PTPRD: variants seen among roughly 807,000 people sequenced by gnomAD.
PTPRD encodes receptor-type tyrosine-protein phosphatase delta.
A neutral mutation model predicts 214.5 loss-of-function variants in PTPRD; 34 were observed. That is an observed-to-expected ratio of 0.16 (90% CI 0.12 to 0.21). The LOEUF (loss-of-function observed/expected upper bound fraction) is 0.21. Ranked by LOEUF, PTPRD falls within the 10% of genes least tolerant of loss-of-function variation. PTPRD has a pLI of 1.00. For missense variants in PTPRD, 2,545 were observed against 2,398.7 expected (o/e 1.06, Z -1.27); for synonymous variants, 1,128 against 845.7 (o/e 1.33, Z -5.79).
intron 11 of PTPRD, among the ~76,000 whole-genome samples, chr9:8,737,297 T>C (rs1441291859): frequency 6.6e-6 from 1 of 152,196 alleles, no homozygotes; most frequent in Non-Finnish European, 1.5e-5. Flanking sequence ...AGATGAAACG[T>C]ATTCTAAATG....
At position 10,531,318 on chromosome 9, in the gene PTPRD, C is replaced by T. The variant is rs545203296; in HGVS notation, c.-600+81080G>A. Among the ~76,000 whole-genome samples the T allele has an allele frequency of 3.3e-5, 5 of 152,238 alleles. 1 individual carries two copies. In the South Asian group the frequency reaches 1.0e-3, roughly 32 times the overall value. On this transcript the variant is annotated intron_variant, in intron 2 of 45. Transcript: ENST00000381196. ...TAAAAGATCTACATCATATTACAGTCAGTTCTGCTATAACAGAATAAGTGT... is the reference window on the plus strand; with the variant it reads ...TAAAAGATCTACATCATATTACAGTTAGTTCTGCTATAACAGAATAAGTGT...
At chr9:10,354,776 C>T (rs546506411) in intron 2 of PTPRD, among the ~76,000 whole-genome samples, 117 of 152,136 alleles carry the variant, frequency 7.7e-4, no homozygotes, top group African/African-American at 2.8e-3. Flanking sequence ...TCATTTTTTA[C>T]TGTGGCATGG....
intron 3 of PTPRD, among the ~76,000 whole-genome samples, chr9:10,174,458 T>A (rs933465301): frequency 6.6e-6 from 1 of 152,132 alleles, no homozygotes; most frequent in South Asian, 2.1e-4. Flanking sequence ...GGGGCCCAAT[T>A]TTTAACTTTT....
intron 3 of PTPRD, among the ~76,000 whole-genome samples, chr9:10,105,049 T>G (rs2154219088): frequency 6.6e-6 from 1 of 152,004 alleles, no homozygotes; most frequent in Non-Finnish European, 1.5e-5. Context: ...TAATGCCTCC[T>G]TTGGGACATC....
At chr9:10,292,512 C>T (rs2095555804) in intron 3 of PTPRD, among the ~76,000 whole-genome samples, 1 of 151,926 alleles carries the variant, frequency 6.6e-6, no homozygotes, top group African/African-American at 2.4e-5. Context: ...GCCTAGATAT[C>T]AGAGTGAAGA....
chr9:10,132,448 G>A (rs775992282), intron 3 of PTPRD, among the ~76,000 whole-genome samples: 4 of 151,786 alleles, frequency 2.6e-5, no homozygotes, highest in Admixed American at 6.6e-5. Context: ...TGAGGACTAC[G>A]TTAAACATGG....
chr9:9,118,504 T>C (rs1226372387), intron 10 of PTPRD, among the ~76,000 whole-genome samples: 1 of 152,228 alleles, frequency 6.6e-6, no homozygotes, highest in African/African-American at 2.4e-5. Context: ...AGGTCTGTTT[T>C]TATTCTTTAT....
At chr9:10,522,201 C>T (rs1757146946) in intron 2 of PTPRD, among the ~76,000 whole-genome samples, 1 of 152,096 alleles carries the variant, frequency 6.6e-6, no homozygotes, top group Admixed American at 6.6e-5. Context: ...AGGAATTGTG[C>T]CTTTAACACT....
rs547714418 is a variant in PTPRD, at chr9:9,806,991, A to C, written c.-367-40140T>G. On this transcript the variant is annotated intron_variant, in intron 5 of 45. Transcript: ENST00000381196. ...GGGGAAAAGAAATGCAAACCTCAGA[A>C]CAAAGACAATATGTAAAAACCCCAA... Among the ~76,000 whole-genome samples, 7 of 152,278 alleles carry C rather than the reference A, an allele frequency of 4.6e-5. No individual in the cohort carries two copies. The South Asian group carries it at 1.5e-3, about 32-fold the overall frequency.
chr9:9,925,894 T>C (rs537891982), intron 5 of PTPRD, among the ~76,000 whole-genome samples: 1 of 152,238 alleles, frequency 6.6e-6, no homozygotes, highest in African/African-American at 2.4e-5. Flanking sequence ...AGTGTCATGG[T>C]CATGGCTTAC....
chr9:8,396,413 A>G (rs2091185758), intron 36 of PTPRD, among the ~76,000 whole-genome samples: 1 of 152,174 alleles, frequency 6.6e-6, no homozygotes. Flanking sequence ...TGCTACCTGT[A>G]TCTATATTCT....
chr9:8,615,299 C>T (rs1451186495), intron 14 of PTPRD, among the ~76,000 whole-genome samples: 2 of 152,052 alleles, frequency 1.3e-5, no homozygotes, highest in Non-Finnish European at 2.9e-5. Flanking sequence ...GATGAGCATG[C>T]AATTAAACCT....
At chr9:9,946,540 G>A (rs1459921860) in intron 4 of PTPRD, among the ~76,000 whole-genome samples, 1 of 151,858 alleles carries the variant, frequency 6.6e-6, no homozygotes, top group African/African-American at 2.4e-5. Context: ...TTCTGATTCT[G>A]GCTGTGACTT....
intron 5 of PTPRD, among the ~76,000 whole-genome samples, chr9:9,790,963 G>A (rs1202932966): frequency 6.6e-6 from 1 of 152,150 alleles, no homozygotes; most frequent in African/African-American, 2.4e-5. Context: ...TTGGAAGACA[G>A]ATGGTTCAGT....
chr9:10,263,411 C>T (rs547332727), intron 3 of PTPRD, among the ~76,000 whole-genome samples: 3 of 152,148 alleles, frequency 2.0e-5, no homozygotes, highest in Admixed American at 2.0e-4. Flanking sequence ...ATGGCTTTGA[C>T]CAAAATCCTG....
chr9:10,411,927 C>T (rs1015026734), intron 2 of PTPRD, among the ~76,000 whole-genome samples: 5 of 151,672 alleles, frequency 3.3e-5, no homozygotes, highest in Admixed American at 3.3e-4. Context: ...ATTAAGAATG[C>T]ATATGGATGA....
rs138244660 is a variant in PTPRD at position 10,116,863 on chromosome 9, T to C, written c.-544-83073A>G. ...CAACTGGGAGCCTTTGCACTTGCTC[T>C]TCCTTCTGCCTGGAATTATTTTCCC... is the stretch of plus-strand genomic sequence containing the variant. On this transcript the variant is annotated intron_variant, in intron 3 of 45. Transcript: ENST00000381196. 1.2e-3 allele frequency among the ~76,000 whole-genome samples: 181 copies of C among 152,214 alleles called. No individual in the cohort carries two copies. In the Middle Eastern group the frequency reaches 0.014, roughly 12 times the overall value.
intron 5 of PTPRD, among the ~76,000 whole-genome samples, chr9:9,926,012 G>T (rs1351546426): frequency 2.0e-5 from 3 of 151,852 alleles, no homozygotes; most frequent in African/African-American, 7.3e-5. Flanking sequence ...TTAAGTTTTT[G>T]TAGAAATGGG....
At chr9:9,158,873 A>G (rs995248054) in intron 10 of PTPRD, among the ~76,000 whole-genome samples, 2 of 152,174 alleles carry the variant, frequency 1.3e-5, no homozygotes, top group Non-Finnish European at 2.9e-5. Flanking sequence ...ATCAAGTGGG[A>G]TTTATCCTTG....
Sources: gnomAD v4.1 joint callset for allele counts (sites outside exome capture counted in the v4.1 genomes callset) on GRCh38, gnomAD v4.1.1 for gene constraint, MANE v1.5 for transcripts, NCBI Gene and HGNC (gene_info 2026-07-23, HGNC 2026-07-21) for gene names.